DPP10: variants seen among roughly 807,000 people sequenced by gnomAD.
The protein encoded by DPP10 is dipeptidyl peptidase like 10.
DPP10 carries 33 observed loss-of-function variants against 120.9 expected under a neutral mutation model. That is an observed-to-expected ratio of 0.27 (90% CI 0.21 to 0.37). The LOEUF (loss-of-function observed/expected upper bound fraction) is 0.37. Among genes scored for constraint, DPP10 ranks in the 10% least tolerant of loss-of-function variants. The pLI is 1.00. For synonymous variants in DPP10, 337 were observed against 326.1 expected (o/e 1.03, Z -0.36); for missense variants, 816 against 942.8 (o/e 0.87, Z 1.76).
chr2:115,388,700 C>T (rs2067122972), intron 3 of DPP10, among the ~76,000 whole-genome samples: 1 of 152,058 alleles, frequency 6.6e-6, no homozygotes, highest in African/African-American at 2.4e-5. Context: ...GACTATAAAC[C>T]CCTTGATGAC....
intron 3 of DPP10, among the ~76,000 whole-genome samples, chr2:115,373,995 C>T (rs955456170): frequency 1.3e-5 from 2 of 151,982 alleles, no homozygotes; most frequent in Non-Finnish European, 2.9e-5. Flanking sequence ...ATATCTGCCC[C>T]CATGTTCCAG....
chr2:115,676,783 G>A (rs552770989), intron 5 of DPP10, among the ~76,000 whole-genome samples: 6 of 152,200 alleles, frequency 3.9e-5, no homozygotes, highest in Non-Finnish European at 7.3e-5. Flanking sequence ...GTTTAATGAT[G>A]TAATAGCTGA....
rs76777059 is a variant in DPP10 at position 114,774,553 on chromosome 2, A to G, written c.60+331715A>G. Among the ~76,000 whole-genome samples, 1,259 of 151,002 alleles carry G rather than the reference A, an allele frequency of 8.3e-3. 10 individuals are homozygous for G. The highest frequency in any genetic ancestry group is 0.014 in the Admixed American group (216 of 14,982). On this transcript the variant is annotated intron_variant, in intron 1 of 25. Transcript: ENST00000410059. ...CTATCTTAAAATCAGGAGAAAATGT[A>G]AGAAACTTTCATAAAATATTTAATA... is the stretch of plus-strand genomic sequence containing the variant.
intron 3 of DPP10, among the ~76,000 whole-genome samples, chr2:115,436,716 C>T (rs1393821172): frequency 1.3e-5 from 2 of 151,800 alleles, no homozygotes; most frequent in African/African-American, 4.8e-5. Context: ...CAGGAACAAA[C>T]ACTTGGGAGT....
At chr2:114,672,699 T>C (rs1698423679) in intron 1 of DPP10, among the ~76,000 whole-genome samples, 1 of 152,158 alleles carries the variant, frequency 6.6e-6, no homozygotes, top group Non-Finnish European at 1.5e-5. Context: ...AACATAAAAA[T>C]TATCATGGGG....
intron 1 of DPP10, among the ~76,000 whole-genome samples, chr2:114,955,913 C>G (rs1558919764): frequency 6.6e-6 from 1 of 152,056 alleles, no homozygotes; most frequent in African/African-American, 2.4e-5. Flanking sequence ...TTAAAAAACT[C>G]TCAACAAATT....
intron 1 of DPP10, among the ~76,000 whole-genome samples, chr2:114,794,413 C>T (rs184134150): frequency 4.6e-5 from 7 of 152,222 alleles, no homozygotes; most frequent in East Asian, 1.9e-4. Flanking sequence ...TCAGAGAAAG[C>T]GAGGGTGTTC....
chr2:115,311,159 G>C (rs943826281), intron 2 of DPP10, among the ~76,000 whole-genome samples: 1 of 152,142 alleles, frequency 6.6e-6, no homozygotes, highest in Non-Finnish European at 1.5e-5. Flanking sequence ...ACCTGAGTTT[G>C]AGTTCTGCCT....
chr2:115,762,693 A>T (rs373616194), intron 12 of DPP10, 83 bp downstream of exon 12: 1 of 1,519,498 alleles, frequency 6.6e-7, no homozygotes, highest in Non-Finnish European at 9.1e-7. Flanking sequence ...TTCTGTAAAA[A>T]GTATGAGTTT....
chr2:115,273,826 C>A (rs1368015537), intron 1 of DPP10, among the ~76,000 whole-genome samples: 1 of 152,290 alleles, frequency 6.6e-6, no homozygotes, highest in Non-Finnish European at 1.5e-5. Context: ...TGGAACGAGG[C>A]CAATTTAGTG....
intron 3 of DPP10, among the ~76,000 whole-genome samples, chr2:115,382,050 G>A (rs1243912113): frequency 2.0e-5 from 3 of 152,194 alleles, no homozygotes; most frequent in Non-Finnish European, 2.9e-5. Flanking sequence ...ACAGAGGCAG[G>A]CAGGCCTCCT....
intron 1 of DPP10, among the ~76,000 whole-genome samples, chr2:114,733,717 T>C (rs996689612): frequency 6.6e-6 from 1 of 152,182 alleles, no homozygotes; most frequent in Non-Finnish European, 1.5e-5. Context: ...AATAGCAACT[T>C]TTATTTTCTC....
At chr2:115,169,745 C>T (rs2053175034) in intron 1 of DPP10, among the ~76,000 whole-genome samples, 1 of 152,110 alleles carries the variant, frequency 6.6e-6, no homozygotes, top group East Asian at 1.9e-4. Flanking sequence ...ACCGACTTTA[C>T]ATTTGGGAAT....
chr2:114,474,502 A>T (rs1347272084), intron 1 of DPP10, among the ~76,000 whole-genome samples: 1 of 152,176 alleles, frequency 6.6e-6, no homozygotes, highest in African/African-American at 2.4e-5. Context: ...TATACCTACC[A>T]TGGTATCTTT....
intron 10 of DPP10, 37 bp from the exon 11 acceptor site, chr2:115,753,137 G>T (rs746369250): frequency 1.6e-5 from 25 of 1,594,756 alleles, no homozygotes; most frequent in Non-Finnish European, 2.1e-5. Context: ...CAATGCTCTG[G>T]CTCTAAACAT....
chr2:115,350,415 G>A (rs1389287234), intron 3 of DPP10, among the ~76,000 whole-genome samples: 1 of 151,924 alleles, frequency 6.6e-6, no homozygotes, highest in African/African-American at 2.4e-5. Flanking sequence ...TTTTCAACAG[G>A]CATTCTGCTG....
intron 3 of DPP10, among the ~76,000 whole-genome samples, chr2:115,355,986 G>A (rs1364282805): frequency 2.0e-5 from 3 of 152,166 alleles, no homozygotes; most frequent in Non-Finnish European, 2.9e-5. Flanking sequence ...AAGTCAGGTA[G>A]TGTGATGCCT....
At chr2:115,802,681 G>T (rs1226417038) in intron 19 of DPP10, among the ~76,000 whole-genome samples, 1 of 152,024 alleles carries the variant, frequency 6.6e-6, no homozygotes, top group Non-Finnish European at 1.5e-5. Flanking sequence ...CCTTCATTTC[G>T]TTATGTACCC....
At chr2:115,821,114 A>G (rs1264427134) in intron 21 of DPP10, among the ~76,000 whole-genome samples, 1 of 152,130 alleles carries the variant, frequency 6.6e-6, no homozygotes, top group Non-Finnish European at 1.5e-5. Flanking sequence ...TGTTAGTGTT[A>G]CATATATGTC....
Sources: gnomAD v4.1 joint callset for allele counts (sites outside exome capture counted in the v4.1 genomes callset) on GRCh38, gnomAD v4.1.1 for gene constraint, MANE v1.5 for transcripts, NCBI Gene and HGNC (gene_info 2026-07-23, HGNC 2026-07-21) for gene names.